Variants in ARSK observed in about 807,000 individuals in gnomAD.
The protein encoded by ARSK is arylsulfatase family member K, also known as arylsulfatase K.
A neutral mutation model predicts 53.2 loss-of-function variants in ARSK; 37 were observed. That is an observed-to-expected ratio of 0.70 (90% CI 0.54 to 0.92). The LOEUF is 0.92. Among genes scored for constraint, ARSK ranks in the 40% least tolerant of loss-of-function variants. The pLI, the probability that ARSK is intolerant of heterozygous loss-of-function variation, is 0.00. For synonymous variants in ARSK, 208 were observed against 223.2 expected, an observed-to-expected ratio of 0.93 and a Z score of 0.61; for missense variants, 613 against 643.0, an observed-to-expected ratio of 0.95 and a Z score of 0.51.
At chr5:95,595,213 G>A (rs1264707043) in intron 6 of ARSK, among the ~76,000 whole-genome samples, 2 of 152,152 alleles carry the variant, frequency 1.3e-5, no homozygotes, top group Non-Finnish European at 1.5e-5. Context: ...AGAGAAAGGG[G>A]AACACTTATA....
intron 2 of ARSK, 133 bp downstream of exon 2, chr5:95,566,260 G>A: frequency 9.0e-7 from 1 of 1,111,582 alleles, no homozygotes; most frequent in Non-Finnish European, 1.3e-6. Flanking sequence ...TAAAAGATGT[G>A]CATTTTAAGG....
Position 95,583,192 on chromosome 5 carries a change from T to C in ARSK, c.693T>C (p.Leu231=). The C allele has an allele frequency of 1.3e-6, 2 of 1,556,290 alleles. No homozygotes were observed. Among genetic ancestry groups the C allele is most frequent in the Non-Finnish European group, 1.7e-6 (2 of 1,146,116 alleles). The change falls in exon 4 of 8, where the codon CTT becomes CTC. Residue 231 remains leucine (L), a synonymous_variant. Coordinates refer to ENST00000380009, the MANE Select transcript of ARSK (RefSeq NM_198150.3). ...CATTTCACACATCTCTTTATTGGCT[T>C]GAAAAAGTAAGTAACTACATTGTGT... The part of the protein sequence containing the change: ...SSTFHTSLYW[L]EKVSHDAIKI...
chr5:95,600,752 A>G (rs1456881546), intron 6 of ARSK, 95 bp from the exon 7 acceptor site: 21 of 1,221,414 alleles, frequency 1.7e-5, no homozygotes, highest in African/African-American at 4.5e-5. Flanking sequence ...ATGGCATTTA[A>G]TGGTATGAAA....
rs1580228891 is a variant in ARSK, at chr5:95,591,305, A to T, written c.872-96A>T. ...TATTCAGATGTTAAGAAGCATAGTG[A>T]CAAACTCTTATAGGGTAGAGTGGTT... is the stretch of plus-strand genomic sequence containing the variant. On this transcript the variant is annotated intron_variant, in intron 5 of 7. Coordinates refer to ENST00000380009, the MANE Select transcript of ARSK (RefSeq NM_198150.3). The T allele has an allele frequency of 2.9e-6, 3 of 1,032,900 alleles. No homozygotes were observed. The East Asian group carries it at 7.4e-5, about 26-fold the overall frequency. The allele number at this position is 1,032,900 out of a possible 1,614,324, so 64.0% of individuals were successfully genotyped here. A position where few individuals can be genotyped will look rare whatever the true frequency, so the allele number is the denominator to read the frequency against.
intron 3 of ARSK, among the ~76,000 whole-genome samples, chr5:95,576,150 T>C (rs1238118962): frequency 1.2e-4 from 19 of 152,068 alleles, no homozygotes; most frequent in Admixed American, 9.2e-4. Flanking sequence ...AATGATCATA[T>C]GGTTTTCGTC....
intron 5 of ARSK, 56 bp downstream of exon 5, chr5:95,586,789 A>T (rs111932412): frequency 1.4e-6 from 2 of 1,431,912 alleles, no homozygotes; most frequent in African/African-American, 2.9e-5. Context: ...TATTTTTCCA[A>T]CAGTCTGTAA....
intron 6 of ARSK, among the ~76,000 whole-genome samples, chr5:95,597,762 T>A (rs1749336691): frequency 6.6e-6 from 1 of 152,048 alleles, no homozygotes. Context: ...GGCGTGGTGA[T>A]GTGCACCTGT....
At chr5:95,570,626 G>A (rs933701764) in intron 3 of ARSK, among the ~76,000 whole-genome samples, 3 of 152,174 alleles carry the variant, frequency 2.0e-5, no homozygotes, top group Non-Finnish European at 4.4e-5. Flanking sequence ...TTGGATGACT[G>A]TGTTTTATAT....
rs1334609784 is a variant in ARSK, at chr5:95,567,792, A to AGC, written c.257-97_257-96dup. 34 of 1,197,184 alleles carry AGC rather than the reference A, an allele frequency of 2.8e-5. No homozygotes were observed. In the African/African-American group the frequency reaches 4.7e-4, roughly 17 times the overall value. The allele number at this position is 1,197,184 out of a possible 1,614,324, so 74.2% of individuals were successfully genotyped here. A position where few individuals can be genotyped will look rare whatever the true frequency, so the allele number is the denominator to read the frequency against. On this transcript the variant is annotated intron_variant, in intron 2 of 7. Transcript: ENST00000380009. ...TGGGTACGTCTTACTGCAGAGCATAAGCTCTTCACTAGTGGACTGCTCTCT... is the reference window on the plus strand; with the variant it reads ...TGGGTACGTCTTACTGCAGAGCATAAGCGCTCTTCACTAGTGGACTGCTCTCT...
intron 3 of ARSK, among the ~76,000 whole-genome samples, chr5:95,578,383 C>T (rs1259372036): frequency 2.7e-5 from 4 of 150,362 alleles, no homozygotes; most frequent in Non-Finnish European, 5.9e-5. Context: ...GTCTCAAACT[C>T]CTGGGCTCAA....
intron 3 of ARSK, 135 bp from the exon 4 acceptor site, chr5:95,582,781 T>G: frequency 1.2e-6 from 1 of 817,620 alleles, no homozygotes; most frequent in Non-Finnish European, 1.8e-6. Context: ...TTTTGAGATC[T>G]AATATAGTTA....
At chr5:95,602,513 A>AT (rs1218289574) in intron 7 of ARSK, among the ~76,000 whole-genome samples, 2 of 152,190 alleles carry the variant, frequency 1.3e-5, no homozygotes, top group African/African-American at 2.4e-5. Flanking sequence ...AAGTAGGCCC[A>AT]TAGAGGTTTT....
chr5:95,580,019 TC>T (rs1358834068), intron 3 of ARSK, among the ~76,000 whole-genome samples: 2 of 152,194 alleles, frequency 1.3e-5, no homozygotes, highest in Admixed American at 6.5e-5. Context: ...TCCTTAGGGA[TC>T]CCTGTACTAC....
At chr5:95,594,729 A>G (rs1002821234) in intron 6 of ARSK, among the ~76,000 whole-genome samples, 2 of 152,136 alleles carry the variant, frequency 1.3e-5, no homozygotes, top group African/African-American at 4.8e-5. Context: ...AGTCCCAGCT[A>G]CTTGAGAGGC....
intron 3 of ARSK, among the ~76,000 whole-genome samples, chr5:95,578,321 A>AT (rs543934915): frequency 0.02 from 2,803 of 140,104 alleles, 55 homozygotes; most frequent in African/African-American, 0.05. Context: ...CCAGTGAAGA[A>AT]TTTTTTTTTT....
chr5:95,579,251 AG>A (rs1261269634), intron 3 of ARSK, among the ~76,000 whole-genome samples: 2 of 152,144 alleles, frequency 1.3e-5, no homozygotes, highest in Non-Finnish European at 2.9e-5. Context: ...AGTCTAGGAT[AG>A]TGTATTAGTC....
chr5:95,559,723 A>G (rs1748594226), intron 1 of ARSK, among the ~76,000 whole-genome samples: 1 of 152,224 alleles, frequency 6.6e-6, no homozygotes. Flanking sequence ...ATCTACAAAA[A>G]AAGCCAGAAC....
chr5:95,579,733 C>T (rs1748990889), intron 3 of ARSK, among the ~76,000 whole-genome samples: 2 of 152,078 alleles, frequency 1.3e-5, no homozygotes, highest in Admixed American at 1.3e-4. Flanking sequence ...AAGAAAAGCC[C>T]CTCTTATATT....
At chr5:95,589,786 A>G (rs1265114500) in intron 5 of ARSK, among the ~76,000 whole-genome samples, 1 of 152,196 alleles carries the variant, frequency 6.6e-6, no homozygotes, top group African/African-American at 2.4e-5. Flanking sequence ...TCCTTTGGGT[A>G]TATACCCAGT....
Sources: gnomAD v4.1 joint callset for allele counts (sites outside exome capture counted in the v4.1 genomes callset) on GRCh38, gnomAD v4.1.1 for gene constraint, MANE v1.5 for transcripts, NCBI Gene and HGNC (gene_info 2026-07-23, HGNC 2026-07-21) for gene names.